The following CSMD1 variants were observed in gnomAD, a reference collection of about 807,000 sequenced individuals.
The protein encoded by CSMD1 is CUB and Sushi multiple domains 1.
A neutral mutation model predicts 417.5 loss-of-function variants in CSMD1; 213 were observed. That is an observed-to-expected ratio of 0.51 (90% CI 0.46 to 0.57). The LOEUF is 0.57. CSMD1 is among the 20% of genes least tolerant of loss of function. The pLI, the probability that CSMD1 is intolerant of heterozygous loss-of-function variation, is 0.00. For missense variants in CSMD1, 6,923 were observed against 4,529.7 expected, an observed-to-expected ratio of 1.53 and a Z score of -15.17; for synonymous variants, 2,862 against 1,736.8, an observed-to-expected ratio of 1.65 and a Z score of -16.11.
intron 3 of CSMD1, among the ~76,000 whole-genome samples, chr8:4,169,510 T>C (rs1797645191): frequency 6.6e-6 from 1 of 152,296 alleles, no homozygotes; most frequent in Non-Finnish European, 1.5e-5. Context: ...CTTGTCTCCA[T>C]TTTCTCTCCT....
At chr8:3,668,976 C>G (rs528787489) in intron 7 of CSMD1, among the ~76,000 whole-genome samples, 2 of 152,126 alleles carry the variant, frequency 1.3e-5, no homozygotes, top group African/African-American at 2.4e-5. Context: ...ATTGAGCAAC[C>G]AGGTTAGCCT....
intron 25 of CSMD1, among the ~76,000 whole-genome samples, chr8:3,298,497 A>T (rs1041750969): frequency 6.6e-5 from 10 of 152,222 alleles, no homozygotes; most frequent in Admixed American, 5.9e-4. Context: ...TCTGTTGACC[A>T]GGCTGGAGTG....
intron 3 of CSMD1, among the ~76,000 whole-genome samples, chr8:4,101,954 A>G (rs1205082036): frequency 6.6e-6 from 1 of 152,126 alleles, no homozygotes; most frequent in Non-Finnish European, 1.5e-5. Flanking sequence ...TCTAATAGAG[A>G]AAGGAGGACT....
intron 17 of CSMD1, among the ~76,000 whole-genome samples, chr8:3,388,775 C>T (rs1811162876): frequency 6.6e-6 from 1 of 152,192 alleles, no homozygotes; most frequent in Non-Finnish European, 1.5e-5. Flanking sequence ...GGAAAGCCTC[C>T]TTCCAACTCT....
At chr8:3,289,076 A>T (rs1352982536) in intron 25 of CSMD1, among the ~76,000 whole-genome samples, 3 of 146,604 alleles carry the variant, frequency 2.0e-5, no homozygotes, top group Non-Finnish European at 2.9e-5. Flanking sequence ...AACATGCGGT[A>T]TTTAGTTTTT....
Position 3,219,292 on chromosome 8 carries a change from G to A in CSMD1, c.4635C>T (p.Ala1545=), listed in dbSNP as rs376518528. ...TGGCGAACCCTGAAAGGCCCACGGA[G>A]GCATCACTCCGAAATGCCAGAAACA... is the stretch of plus-strand genomic sequence containing the variant. ...NSLFLAFRSD[A]SVGLSGFAIE... is the part of the protein sequence containing the mutation. The change falls in exon 29 of 70, where the codon GCC becomes GCT. Residue 1545 remains alanine (A), a synonymous_variant. Coordinates refer to ENST00000635120, the MANE Select transcript of CSMD1 (RefSeq NM_033225.6). The A allele has an allele frequency of 2.5e-6, 4 of 1,595,058 alleles. No homozygotes were observed. Among genetic ancestry groups the A allele is most frequent in the South Asian group, 1.1e-5 (1 of 87,998 alleles).
At chr8:3,826,202 G>A (rs754100172) in intron 5 of CSMD1, among the ~76,000 whole-genome samples, 1 of 152,276 alleles carries the variant, frequency 6.6e-6, no homozygotes, top group South Asian at 2.1e-4. Flanking sequence ...GGCCTTCACG[G>A]TGGAGCTGGA....
intron 3 of CSMD1, among the ~76,000 whole-genome samples, chr8:4,091,819 C>G (rs189752077): frequency 1.3e-5 from 2 of 152,080 alleles, no homozygotes; most frequent in African/African-American, 4.8e-5. Flanking sequence ...AGGCCTTATC[C>G]TTAAAATGGA....
At chr8:3,175,490 TGCC>T (rs1563111593) in intron 37 of CSMD1, among the ~76,000 whole-genome samples, 2 of 97,362 alleles carry the variant, frequency 2.1e-5, no homozygotes, top group African/African-American at 8.3e-5. Context: ...CCTTCCTGCC[TGCC>T]TGCCTGCCTG....
chr8:3,009,066 A>G (rs1808185175), intron 52 of CSMD1, among the ~76,000 whole-genome samples: 1 of 152,228 alleles, frequency 6.6e-6, no homozygotes, highest in Admixed American at 6.5e-5. Flanking sequence ...TGTTGCCACA[A>G]TGTCTCCCAT....
rs137893619 is a variant in CSMD1, at chr8:3,737,637, A to T, written c.931+16293T>A. On this transcript the variant is annotated intron_variant, in intron 6 of 69. Transcript: ENST00000635120. ...TCAGTTACTAAGCTTTTTTTAAGCT[A>T]CCTTGGTTGCCCCAACAATCCACAC... Among the ~76,000 whole-genome samples the T allele has an allele frequency of 3.6e-3, 549 of 152,238 alleles. 2 individuals carry two copies. The highest frequency in any genetic ancestry group is 5.2e-3 in the Non-Finnish European group (356 of 68,018).
chr8:3,204,684 A>C (rs1312136816), intron 31 of CSMD1, among the ~76,000 whole-genome samples: 1 of 152,196 alleles, frequency 6.6e-6, no homozygotes, highest in Non-Finnish European at 1.5e-5. Flanking sequence ...AAAATGCTTT[A>C]TCTCAAATAC....
chr8:4,170,930 C>G (rs559094703), intron 3 of CSMD1, among the ~76,000 whole-genome samples: 2 of 151,884 alleles, frequency 1.3e-5, no homozygotes, highest in Non-Finnish European at 1.5e-5. Flanking sequence ...AATGCCTGTA[C>G]AAGCTGTGTT....
chr8:3,825,612 C>T (rs1802013477), intron 5 of CSMD1, among the ~76,000 whole-genome samples: 1 of 152,078 alleles, frequency 6.6e-6, no homozygotes, highest in South Asian at 2.1e-4. Flanking sequence ...TAGAAGAGTA[C>T]AGTTGGTTCT....
chr8:4,921,906 G>A (rs1412066100), intron 1 of CSMD1, among the ~76,000 whole-genome samples: 2 of 152,136 alleles, frequency 1.3e-5, no homozygotes, highest in Non-Finnish European at 2.9e-5. Flanking sequence ...TTCCATGCAA[G>A]AAGCCACCTC....
chr8:3,788,477 A>T (rs1201191229), intron 5 of CSMD1, among the ~76,000 whole-genome samples: 1 of 152,170 alleles, frequency 6.6e-6, no homozygotes, highest in Non-Finnish European at 1.5e-5. Flanking sequence ...GAACTGGGGA[A>T]TTCTTTCCTA....
intron 1 of CSMD1, among the ~76,000 whole-genome samples, chr8:4,754,249 G>A (rs1047092902): frequency 6.6e-6 from 1 of 152,038 alleles, no homozygotes. Flanking sequence ...TCTCAGAGAA[G>A]AAAATAAGAT....
At chr8:4,869,979 G>T (rs1802640964) in intron 1 of CSMD1, among the ~76,000 whole-genome samples, 1 of 151,988 alleles carries the variant, frequency 6.6e-6, no homozygotes. Context: ...TGACATTTAA[G>T]AATTGAAAAT....
chr8:3,279,465 A>G (rs781666724), intron 26 of CSMD1, among the ~76,000 whole-genome samples: 13 of 152,190 alleles, frequency 8.5e-5, no homozygotes, highest in Non-Finnish European at 1.8e-4. Flanking sequence ...GGCATTTCAT[A>G]TGCTTGCCAA....
Sources: allele counts gnomAD v4.1 joint callset (sites outside exome capture counted in the v4.1 genomes callset), GRCh38; gene constraint gnomAD v4.1.1; transcripts MANE v1.5; gene names NCBI Gene and HGNC (gene_info 2026-07-23, HGNC 2026-07-21).